The following WDR3 variants were observed in gnomAD, a reference collection of about 807,000 sequenced individuals.
The protein encoded by WDR3 is WD repeat-containing protein 3.
Under a neutral mutation model 123.7 loss-of-function variants are expected in WDR3, and 81 were observed. That is an observed-to-expected ratio of 0.65 (90% CI 0.55 to 0.79). The LOEUF is 0.79. Ranked by LOEUF, WDR3 falls within the 30% of genes least tolerant of loss-of-function variation. The pLI is 0.00. For synonymous variants in WDR3, 390 were observed against 388.8 expected, an observed-to-expected ratio of 1.00 and a Z score of -0.04; for missense variants, 1,027 against 1,123.2, an observed-to-expected ratio of 0.91 and a Z score of 1.22.
chr1:117,936,101 T>C (rs6698866), intron 3 of WDR3, among the ~76,000 whole-genome samples: 68,889 of 151,826 alleles, frequency 0.45, 15,898 homozygotes, highest in South Asian at 0.63. Flanking sequence ...TTATGATATT[T>C]GTAGTAGTTT....
chr1:117,952,583 T>C lies in WDR3; in HGVS notation c.2072T>C (p.Val691Ala). 6.2e-7 allele frequency: 1 copy of C among 1,613,686 alleles called. No homozygotes were observed. The highest frequency in any genetic ancestry group is 8.5e-7 in the Non-Finnish European group (1 of 1,179,656). Residue 691 changes from valine to alanine, a missense_variant, in exon 19 of 27, where the codon GTA (valine) becomes GCA (alanine). Coordinates refer to ENST00000349139, the MANE Select transcript of WDR3 (RefSeq NM_006784.3). ...LAVSPSGDYV[V>A]SSSHDKSLRL... ...GTAAGCCCCAGTGGAGACTATGTTG[T>C]ATCATCGTCCCATGACAAATCTCTG...
Position 117,949,770 on chromosome 1 carries a change from G to A in WDR3, c.1544G>A (p.Gly515Asp). The A allele has an allele frequency of 6.2e-7, 1 of 1,613,754 alleles. No homozygotes were observed. The highest frequency in any genetic ancestry group is 1.1e-5 in the South Asian group (1 of 91,058). ...TTTCAGCGTGGCTTTGTGACAGGTGGTGCAGATAAATCTGTCAAATTCTGG... is the reference window on the plus strand; with the variant it reads ...TTTCAGCGTGGCTTTGTGACAGGTGATGCAGATAAATCTGTCAAATTCTGG... The part of the protein sequence containing the change: ...SPDQRGFVTG[G>D]ADKSVKFWDF... Residue 515 changes from glycine (G) to aspartate (D), a missense_variant, in exon 14 of 27, where the codon GGT (glycine) becomes GAT (aspartate). Coordinates refer to ENST00000349139, the MANE Select transcript of WDR3 (RefSeq NM_006784.3).
intron 13 of WDR3, 146 bp from the exon 14 acceptor site, chr1:117,949,605 G>A (rs1043354654): frequency 1.9e-5 from 16 of 830,646 alleles, no homozygotes; most frequent in Non-Finnish European, 2.9e-5. Flanking sequence ...AAAGATCAGT[G>A]AAAGGGGCTA....
intron 26 of WDR3, 142 bp downstream of exon 26, chr1:117,959,145 G>A: frequency 3.0e-6 from 4 of 1,314,290 alleles, no homozygotes; most frequent in East Asian, 2.4e-5. Flanking sequence ...AGAATTAGTA[G>A]GAATAGAAAA....
chr1:117,937,896 T>C (rs749191214), intron 4 of WDR3, among the ~76,000 whole-genome samples: 3 of 152,160 alleles, frequency 2.0e-5, no homozygotes, highest in Non-Finnish European at 4.4e-5. Flanking sequence ...ACAGGGAACA[T>C]TGAGCTAGTG....
At chr1:117,941,319 G>C in intron 8 of WDR3, 94 bp downstream of exon 8, 1 of 1,244,622 alleles carries the variant, frequency 8.0e-7, no homozygotes, top group Non-Finnish European at 1.1e-6. Flanking sequence ...ACTTTTTCTT[G>C]ACTCATGTTA....
intron 16 of WDR3, among the ~76,000 whole-genome samples, chr1:117,951,121 A>C (rs566628137): frequency 6.6e-6 from 1 of 152,138 alleles, no homozygotes; most frequent in East Asian, 1.9e-4. Flanking sequence ...TATAAATATT[A>C]TCTCTTTCCC....
intron 25 of WDR3, among the ~76,000 whole-genome samples, chr1:117,958,586 A>G (rs770080974): frequency 1.2e-4 from 18 of 152,166 alleles, no homozygotes; most frequent in Admixed American, 3.9e-4. Context: ...ATTTCTTAGA[A>G]GGCTCATTCT....
At chr1:117,949,897 T>C in intron 14 of WDR3, 61 bp downstream of exon 14, 2 of 1,610,326 alleles carry the variant, frequency 1.2e-6, no homozygotes, top group Non-Finnish European at 1.7e-6. Context: ...TGGAATGGCC[T>C]TTTGACGTCT....
rs995532072 is a variant in WDR3 at position 117,941,635 on chromosome 1, A to C, written c.892-115A>C. 1.4e-5 allele frequency: 18 copies of C among 1,295,450 alleles called. 1 individual carries two copies. Among genetic ancestry groups the C allele is most frequent in the Middle Eastern group, 5.1e-4 (2 of 3,888 alleles). The allele number at this position is 1,295,450 out of a possible 1,614,324, so 80.2% of individuals were successfully genotyped here. On this transcript the variant is annotated intron_variant, in intron 8 of 26. Transcript: ENST00000349139. ...AAACCCAGAGAGATTAAGTTGTCCA[A>C]GGTAATACAACTACTAAGGGAAGAA...
intron 26 of WDR3, 117 bp from the exon 27 acceptor site, chr1:117,959,175 T>A (rs1410017112): frequency 7.2e-7 from 1 of 1,392,630 alleles, no homozygotes; most frequent in African/African-American, 1.5e-5. Context: ...GAAAAGTTCT[T>A]AATGAGGGAA....
rs1378219398 is a variant in WDR3, at chr1:117,948,562, C to G, written c.1524+56C>G. On this transcript the variant is annotated intron_variant, in intron 13 of 26. Transcript: ENST00000349139. ...TTCAGCCCTGTGGCTACCCTGATTT[C>G]TCTCAGGGTTTCTTTAAAGAAAGCC... The G allele has an allele frequency of 1.0e-5, 13 of 1,297,610 alleles. No homozygotes were observed. The East Asian group carries it at 3.2e-4, about 32-fold the overall frequency. 80.4% of individuals were successfully genotyped at this position (1,297,610 alleles called of 1,614,324 possible).
intron 11 of WDR3, 114 bp from the exon 12 acceptor site, chr1:117,945,972 C>A: frequency 1.6e-6 from 1 of 625,488 alleles, no homozygotes; most frequent in Non-Finnish European, 2.5e-6. Flanking sequence ...GTTTTTAAGA[C>A]TTTTATCTTC....
chr1:117,955,653 A>G lies in WDR3; in HGVS notation c.2453+295A>G, dbSNP rs1215163616. Among the ~76,000 whole-genome samples, 3 of 151,952 alleles carry G rather than the reference A, an allele frequency of 2.0e-5. No individual in the cohort carries two copies. The East Asian group carries it at 5.8e-4, about 29-fold the overall frequency. On this transcript the variant is annotated intron_variant, in intron 24 of 26. Transcript: ENST00000349139. Reference sequence around the variant, plus strand: ...GAAGCACCAATTGTTAATTTGTTTTATATTTTGGCTTCTTTTCTATGTACA... The same window carrying G: ...GAAGCACCAATTGTTAATTTGTTTTGTATTTTGGCTTCTTTTCTATGTACA...
chr1:117,954,504 G>C, intron 22 of WDR3, 76 bp from the exon 23 acceptor site: 1 of 1,395,990 alleles, frequency 7.2e-7, no homozygotes, highest in Non-Finnish European at 9.9e-7. Flanking sequence ...ATAAAATACA[G>C]TTACCACTCT....
intron 18 of WDR3, 57 bp from the exon 19 acceptor site, chr1:117,952,471 A>G: frequency 6.3e-7 from 1 of 1,597,956 alleles, no homozygotes; most frequent in Non-Finnish European, 8.5e-7. Flanking sequence ...TATTTACATT[A>G]CCCACTAAGT....
chr1:117,943,314 AT>A, intron 10 of WDR3, 81 bp from the exon 11 acceptor site: 1 of 1,195,640 alleles, frequency 8.4e-7, no homozygotes. Flanking sequence ...GATAGAGGAC[AT>A]TGTAAAGCCT....
Position 117,952,944 on chromosome 1 carries a change from A to T in WDR3, c.2152-2A>T. ...AATTAATGTATATCTATCTCATGGCAGGAAAGAGAAGCAGAATATGAGGAG... is the reference window on the plus strand; with the variant it reads ...AATTAATGTATATCTATCTCATGGCTGGAAAGAGAAGCAGAATATGAGGAG... On this transcript the variant is annotated splice_acceptor_variant, in intron 19 of 26. Transcript: ENST00000349139. LOFTEE classifies it high-confidence loss of function. The T allele has an allele frequency of 6.2e-7, 1 of 1,612,992 alleles. No individual in the cohort carries two copies. Among genetic ancestry groups the T allele is most frequent in the Non-Finnish European group, 8.5e-7 (1 of 1,179,316 alleles).
At chr1:117,936,514 G>A (rs1650950775) in intron 3 of WDR3, among the ~76,000 whole-genome samples, 2 of 152,066 alleles carry the variant, frequency 1.3e-5, no homozygotes, top group Admixed American at 6.6e-5. Context: ...TGATATGAAT[G>A]GCATGATTTT....
Sources: allele counts gnomAD v4.1 joint callset (sites outside exome capture counted in the v4.1 genomes callset), GRCh38; gene constraint gnomAD v4.1.1; transcripts MANE v1.5; gene names NCBI Gene and HGNC (gene_info 2026-07-23, HGNC 2026-07-21).